AGBL1: variants seen among roughly 807,000 people sequenced by gnomAD.
AGBL1 encodes cytosolic carboxypeptidase 4.
In AGBL1, 130 loss-of-function variants were observed where a neutral mutation model predicts 118.9. The ratio of observed to expected loss-of-function variants is 1.09; its 90% CI spans 0.95 to 1.26. The LOEUF (loss-of-function observed/expected upper bound fraction) is 1.26, where lower values mean the gene tolerates loss of function less well. Among genes scored for constraint, AGBL1 ranks in the 50% most tolerant of loss-of-function variants. The pLI is 0.00. For synonymous variants in AGBL1, 555 were observed against 478.9 expected, an observed-to-expected ratio of 1.16 and a Z score of -2.08; for missense variants, 1,584 against 1,298.1, an observed-to-expected ratio of 1.22 and a Z score of -3.38.
intron 1 of AGBL1, among the ~76,000 whole-genome samples, chr15:86,141,674 G>A (rs1464526750): frequency 1.3e-5 from 2 of 152,132 alleles, no homozygotes; most frequent in African/African-American, 2.4e-5. Context: ...AATAAGCCAA[G>A]CCTACTGAAA....
rs575813900 is a variant in AGBL1 at position 86,879,876 on chromosome 15, T to A, written c.3159-27211T>A. 7.3e-4 allele frequency among the ~76,000 whole-genome samples: 111 copies of A among 152,292 alleles called. 1 individual carries two copies. Among genetic ancestry groups the A allele is most frequent in the African/African-American group, 2.5e-3 (105 of 41,558 alleles). Reference sequence around the variant, plus strand: ...ATAGGGGATGTTGCCAGAATACCCATGGGACCATGTCTTCTTGTCATTCCA... The same window carrying A: ...ATAGGGGATGTTGCCAGAATACCCAAGGGACCATGTCTTCTTGTCATTCCA... On this transcript the variant is annotated intron_variant, in intron 22 of 22. Coordinates refer to ENST00000614907, the MANE Select transcript of AGBL1 (RefSeq NM_001386094.1).
chr15:86,522,992 A>G (rs746694283), intron 19 of AGBL1, 53 bp downstream of exon 19: 3 of 1,572,798 alleles, frequency 1.9e-6, no homozygotes, highest in Middle Eastern at 1.7e-4. Context: ...TCTACCTTCC[A>G]GGAAGCAGAG....
At chr15:86,100,297 G>A (rs1220127066) in intron 1 of AGBL1, among the ~76,000 whole-genome samples, 1 of 152,052 alleles carries the variant, frequency 6.6e-6, no homozygotes, top group Non-Finnish European at 1.5e-5. Context: ...TTCTTTTTCT[G>A]TTGAGTCTTT....
intron 1 of AGBL1, among the ~76,000 whole-genome samples, chr15:86,125,440 CT>C (rs1241350488): frequency 6.6e-6 from 1 of 152,158 alleles, no homozygotes; most frequent in Non-Finnish European, 1.5e-5. Flanking sequence ...TTTCTGTGTC[CT>C]TTTTGGCTTG....
At chr15:86,217,671 G>A (rs1383875886) in intron 5 of AGBL1, among the ~76,000 whole-genome samples, 1 of 152,208 alleles carries the variant, frequency 6.6e-6, no homozygotes, top group Non-Finnish European at 1.5e-5. Flanking sequence ...GGGCATTTTA[G>A]GCTGCAGCAT....
chr15:86,136,912 T>G (rs970659962), intron 1 of AGBL1, among the ~76,000 whole-genome samples: 3 of 152,186 alleles, frequency 2.0e-5, no homozygotes, highest in African/African-American at 7.2e-5. Context: ...TCCAACTCCC[T>G]GAGTCTCCCT....
chr15:86,984,143 T>C (rs992838264), intron 23 of AGBL1, among the ~76,000 whole-genome samples: 10 of 152,182 alleles, frequency 6.6e-5, no homozygotes, highest in Non-Finnish European at 1.0e-4. Context: ...CCACCAGAAA[T>C]GTAGGGAGGT....
At chr15:86,984,361 C>CTTTTTT (rs1251444990) in intron 23 of AGBL1, among the ~76,000 whole-genome samples, 1 of 143,438 alleles carries the variant, frequency 7.0e-6, no homozygotes. Context: ...ATTTTTTTCT[C>CTTTTTT]TCTTTTTTTT....
intron 5 of AGBL1, among the ~76,000 whole-genome samples, chr15:86,222,825 T>A (rs4887418): frequency 0.37 from 56,599 of 152,010 alleles, 11,685 homozygotes; most frequent in African/African-American, 0.55. Context: ...TTCTAGAGAG[T>A]TGTGATCTGG....
chr15:86,614,382 A>G (rs1235226072), intron 21 of AGBL1, among the ~76,000 whole-genome samples: 2 of 152,096 alleles, frequency 1.3e-5, no homozygotes, highest in Non-Finnish European at 2.9e-5. Context: ...ACCTTGTTCT[A>G]TTGTTTTCTT....
intron 5 of AGBL1, among the ~76,000 whole-genome samples, chr15:86,215,210 A>AGTGT (rs1229952974): frequency 4.0e-5 from 4 of 99,306 alleles, no homozygotes; most frequent in South Asian, 4.2e-4. Context: ...TGTGTGTGTG[A>AGTGT]GTGTATATGT....
At chr15:86,167,736 G>A (rs1291679844) in intron 5 of AGBL1, among the ~76,000 whole-genome samples, 1 of 152,210 alleles carries the variant, frequency 6.6e-6, no homozygotes, top group Non-Finnish European at 1.5e-5. Context: ...GGGAAGGAAA[G>A]GGTCAAAAGG....
chr15:86,425,455 G>A (rs898462220), intron 18 of AGBL1, among the ~76,000 whole-genome samples: 1 of 151,984 alleles, frequency 6.6e-6, no homozygotes, highest in African/African-American at 2.4e-5. Flanking sequence ...GAGTTGATGG[G>A]TGCAGCAAAC....
chr15:87,005,564 C>T (rs1403639097), intron 24 of AGBL1, among the ~76,000 whole-genome samples: 1 of 152,276 alleles, frequency 6.6e-6, no homozygotes, highest in Non-Finnish European at 1.5e-5. Flanking sequence ...GACTTCTCTG[C>T]ATTAGTCAAT....
At chr15:86,780,679 T>C (rs928466600) in intron 22 of AGBL1, among the ~76,000 whole-genome samples, 3 of 147,964 alleles carry the variant, frequency 2.0e-5, no homozygotes, top group African/African-American at 4.9e-5. Context: ...TTTCTTTTGG[T>C]GAGACAGAGT....
chr15:86,385,856 T>C (rs1487937644), intron 17 of AGBL1, among the ~76,000 whole-genome samples: 1 of 152,040 alleles, frequency 6.6e-6, no homozygotes, highest in Non-Finnish European at 1.5e-5. Context: ...TATTTTCATA[T>C]GTTAGGATCC....
chr15:86,378,230 T>C (rs1467396645), intron 17 of AGBL1, among the ~76,000 whole-genome samples: 4 of 152,240 alleles, frequency 2.6e-5, no homozygotes, highest in African/African-American at 7.2e-5. Flanking sequence ...GTTACCTTAA[T>C]GTGCTGTCTG....
Position 86,554,490 on chromosome 15 carries a change from T to G in AGBL1, c.2947T>G (p.Tyr983Asp). 1 of 1,578,284 alleles carries G rather than the reference T, an allele frequency of 6.3e-7. No homozygotes were observed. Among genetic ancestry groups the G allele is most frequent in the Non-Finnish European group, 8.6e-7 (1 of 1,163,532 alleles). Reference protein sequence around the residue: ...VWREMGVSRSYTMESSYCGCN... With the variant: ...VWREMGVSRSDTMESSYCGCN... ...GAGAGAGATGGGGGTGTCCAGAAGC[T>G]ACACCATGGAAAGCAGCTACTGTGG... Residue 983 changes from tyrosine to aspartate, a missense_variant, in exon 21 of 23, where the codon TAC becomes GAC. Coordinates refer to ENST00000614907, the MANE Select transcript of AGBL1 (RefSeq NM_001386094.1).
intron 23 of AGBL1, among the ~76,000 whole-genome samples, chr15:86,945,178 A>G (rs2080803196): frequency 7.1e-6 from 1 of 141,234 alleles, no homozygotes; most frequent in Non-Finnish European, 1.5e-5. Context: ...CAGGAGTTCG[A>G]GGTTGCAGTG....
Sources: gnomAD v4.1 joint callset for allele counts (sites outside exome capture counted in the v4.1 genomes callset) on GRCh38, gnomAD v4.1.1 for gene constraint, MANE v1.5 for transcripts, NCBI Gene and HGNC (gene_info 2026-07-23, HGNC 2026-07-21) for gene names.